The following PHACTR2 variants were observed in gnomAD, a reference collection of about 807,000 sequenced individuals.
PHACTR2 encodes phosphatase and actin regulator 2.
In PHACTR2, 30 loss-of-function variants were observed where a neutral mutation model predicts 76.0. That is an observed-to-expected ratio of 0.39 (90% CI 0.30 to 0.54). The LOEUF is 0.54. Among genes scored for constraint, PHACTR2 ranks in the 20% least tolerant of loss-of-function variants. PHACTR2 has a pLI of 0.61. For missense variants in PHACTR2, 696 were observed against 781.1 expected (o/e 0.89, Z 1.30); for synonymous variants, 292 against 292.5 (o/e 1.00, Z 0.02).
rs1252818174 is a variant in PHACTR2, at chr6:143,578,952, G to C, written c.217+41745G>C. On this transcript the variant is annotated intron_variant, in intron 1 of 11. Transcript: ENST00000367584. This position sits in a 1 kb window ranked among gnomAD's most constrained non-coding sequence, Gnocchi z 4.5. ...AGGATCTTGTTCTGGCACCCAGGCT[G>C]GAGTGCAGTGGCGTGATCACAGCTC... Among the ~76,000 whole-genome samples the C allele has an allele frequency of 6.6e-6, 1 of 152,076 alleles. No homozygotes were observed. Among genetic ancestry groups the C allele is most frequent in the African/African-American group, 2.4e-5 (1 of 41,404 alleles).
At position 143,662,709 on chromosome 6, in the gene PHACTR2, C is replaced by T. The variant is rs1308249038; in HGVS notation, c.14-49307C>T. Among the ~76,000 whole-genome samples the T allele has an allele frequency of 1.3e-5, 2 of 152,112 alleles. No individual in the cohort carries two copies. Among genetic ancestry groups the T allele is most frequent in the African/African-American group, 4.8e-5 (2 of 41,424 alleles). ...TTTTTCATCTTGAATTGTGAATTGT[C>T]TTCACCTATATTACAATTAGTTTTT... On this transcript the variant is annotated intron_variant, in intron 1 of 11. Transcript: ENST00000305766. The surrounding 1 kb of genome is among the most constrained non-coding windows in gnomAD (Gnocchi z 4.7).
At position 143,698,014 on chromosome 6, in the gene PHACTR2, T is replaced by G. The variant is rs967124817; in HGVS notation, c.47-14002T>G. Among the ~76,000 whole-genome samples, 2 of 152,330 alleles carry G rather than the reference T, an allele frequency of 1.3e-5. No homozygotes were observed. The highest frequency in any genetic ancestry group is 6.5e-5 in the Admixed American group (1 of 15,306). ...TCATTTTTATGGTTTCTGAAAACAT[T>G]GGTGAATTGCAACTGGCTATTCTGA... On this transcript the variant is annotated intron_variant, in intron 1 of 12. Coordinates refer to ENST00000440869, the MANE Select transcript of PHACTR2 (RefSeq NM_001100164.2). The surrounding 1 kb of genome is among the most constrained non-coding windows in gnomAD (Gnocchi z 4.3).
chr6:143,577,148 GA>G (rs1330073520), intron 1 of PHACTR2, among the ~76,000 whole-genome samples: 9 of 152,188 alleles, frequency 5.9e-5, no homozygotes, highest in Admixed American at 3.3e-4. Flanking sequence ...TATATTTTAA[GA>G]ACACCAAGAA....
At position 143,816,787 on chromosome 6, in the gene PHACTR2, T is replaced by A. The variant is rs1776304891; in HGVS notation, c.1923-6887T>A. The stretch of plus-strand genomic sequence containing the variant: ...GCTTTCAAAGATTATCTCTTCTGGC[T>A]GGGTGCGGTGGCTCATGCCTGTAAT... On this transcript the variant is annotated intron_variant, in intron 12 of 12. Coordinates refer to ENST00000440869, the MANE Select transcript of PHACTR2 (RefSeq NM_001100164.2). The surrounding 1 kb of genome is among the most constrained non-coding windows in gnomAD (Gnocchi z 4.5). Among the ~76,000 whole-genome samples, 5 of 152,310 alleles carry A rather than the reference T, an allele frequency of 3.3e-5. No homozygotes were observed. In the South Asian group the frequency reaches 1.0e-3, roughly 32 times the overall value.
chr6:143,783,550 C>CAGAG lies in PHACTR2; in HGVS notation c.1707+271_1707+274dup, dbSNP rs1352976600. Among the ~76,000 whole-genome samples, 2 of 152,118 alleles carry CAGAG rather than the reference C, an allele frequency of 1.3e-5. No individual in the cohort carries two copies. The highest frequency in any genetic ancestry group is 2.1e-4 in the South Asian group (1 of 4,832). On this transcript the variant is annotated intron_variant, in intron 10 of 12. Coordinates refer to ENST00000440869, the MANE Select transcript of PHACTR2 (RefSeq NM_001100164.2). The surrounding 1 kb of genome is among the most constrained non-coding windows in gnomAD (Gnocchi z 5.2). ...GGGAAGATTGCTTCAGCCTGGGAGG[C>CAGAG]AGAGGTTGCTGTGACCTGATATCGT... is the stretch of plus-strand genomic sequence containing the variant.
At position 143,822,568 on chromosome 6, in the gene PHACTR2, T is replaced by G. The variant is rs968805903; in HGVS notation, c.1923-1106T>G. ...ATGATGGAACCAGTATTTTTAAGGA[T>G]AGTGTGAGCAACAGTGAGGAGCATA... On this transcript the variant is annotated intron_variant, in intron 12 of 12. Transcript: ENST00000440869. The surrounding 1 kb of genome is among the most constrained non-coding windows in gnomAD (Gnocchi z 5.5). Among the ~76,000 whole-genome samples, 1 of 152,060 alleles carries G rather than the reference T, an allele frequency of 6.6e-6. No homozygotes were observed. Among genetic ancestry groups the G allele is most frequent in the African/African-American group, 2.4e-5 (1 of 41,388 alleles).
In PHACTR2 at chr6:143,616,281, T is replaced by G. The variant is rs370495527; in HGVS notation, c.13+7959T>G. ...AGGACTGGACTTTAGAATCATAATT[T>G]CCTTTCTTAGACCTGAATCATTCAG... On this transcript the variant is annotated intron_variant, in intron 1 of 11. Transcript: ENST00000305766. The surrounding 1 kb of genome is among the most constrained non-coding windows in gnomAD (Gnocchi z 4.9). Among the ~76,000 whole-genome samples, 2 of 152,248 alleles carry G rather than the reference T, an allele frequency of 1.3e-5. No individual in the cohort carries two copies. The highest frequency in any genetic ancestry group is 6.5e-5 in the Admixed American group (1 of 15,286).
At position 143,601,283 on chromosome 6, in the gene PHACTR2, G is replaced by GA. The variant is rs767729072; in HGVS notation, c.217+64083dup. ...TCTTTGAGAAAATCAGAATCTTCTG[G>GA]AAAAAAAGGCCGTCTTGGGATGGCC... is the stretch of plus-strand genomic sequence containing the variant. On this transcript the variant is annotated intron_variant, in intron 1 of 11. Coordinates refer to the PHACTR2 transcript ENST00000367584. Among the ~76,000 whole-genome samples, 12 of 152,202 alleles carry GA rather than the reference G, an allele frequency of 7.9e-5. 2 individuals are homozygous for GA. Among genetic ancestry groups the GA allele is most frequent in the African/African-American group, 4.8e-5 (2 of 41,534 alleles).
chr6:143,723,418 A>G (rs1778486515), intron 2 of PHACTR2, among the ~76,000 whole-genome samples: 1 of 152,206 alleles, frequency 6.6e-6, no homozygotes, highest in Non-Finnish European at 1.5e-5. Context: ...ACACATTGCA[A>G]GAAGACAGCG....
rs1775671158 is a variant in PHACTR2, at chr6:143,589,894, G to A, written c.217+52687G>A. 6.6e-6 allele frequency among the ~76,000 whole-genome samples: 1 copy of A among 152,164 alleles called. No homozygotes were observed. Among genetic ancestry groups the A allele is most frequent in the African/African-American group, 2.4e-5 (1 of 41,432 alleles). ...ACCAGGCAAGGATAATAGGAGAAGGGAAAATGGCAGACTAGTCTCAATTAT... is the reference window on the plus strand; with the variant it reads ...ACCAGGCAAGGATAATAGGAGAAGGAAAAATGGCAGACTAGTCTCAATTAT... On this transcript the variant is annotated intron_variant, in intron 1 of 11. Coordinates refer to the PHACTR2 transcript ENST00000367584. The surrounding 1 kb of genome is among the most constrained non-coding windows in gnomAD (Gnocchi z 4.4).
chr6:143,790,262 A>AT lies in PHACTR2; in HGVS notation c.1845+1361dup, dbSNP rs1024949703. On this transcript the variant is annotated intron_variant, in intron 11 of 12. Transcript: ENST00000440869. ...AATGAGATACAGTATCAAGGGAGTGATTTTTTTTTAATTTATGGGAAATAC... is the reference window on the plus strand; with the variant it reads ...AATGAGATACAGTATCAAGGGAGTGATTTTTTTTTTAATTTATGGGAAATAC... 5.3e-5 allele frequency among the ~76,000 whole-genome samples: 8 copies of AT among 151,738 alleles called. No homozygotes were observed. In the East Asian group the frequency reaches 5.8e-4, roughly 11 times the overall value.
intron 1 of PHACTR2, among the ~76,000 whole-genome samples, chr6:143,568,537 G>A (rs1261562654): frequency 6.6e-6 from 1 of 152,174 alleles, no homozygotes; most frequent in Non-Finnish European, 1.5e-5. Flanking sequence ...AGGGTAGGGG[G>A]TCTTCCTCCC....
At chr6:143,686,028 A>T (rs930397882) in intron 1 of PHACTR2, among the ~76,000 whole-genome samples, 1 of 151,682 alleles carries the variant, frequency 6.6e-6, no homozygotes, top group Admixed American at 6.6e-5. Context: ...GCTACTTGAG[A>T]GGCTGAGACA....
At position 143,776,475 on chromosome 6, in the gene PHACTR2, G is replaced by A. The variant is rs541939388; in HGVS notation, c.1590-853G>A. On this transcript the variant is annotated intron_variant, in intron 8 of 12. Coordinates refer to ENST00000440869, the MANE Select transcript of PHACTR2 (RefSeq NM_001100164.2). The surrounding 1 kb of genome is among the most constrained non-coding windows in gnomAD (Gnocchi z 5.3). ...AATGAAAAAGGGAGATTGCGTTCAC[G>A]GCATAGCAACAACCGCATTTTAAAT... Among the ~76,000 whole-genome samples, 1 of 152,274 alleles carries A rather than the reference G, an allele frequency of 6.6e-6. No homozygotes were observed. Among genetic ancestry groups the A allele is most frequent in the East Asian group, 1.9e-4 (1 of 5,182 alleles).
At position 143,669,085 on chromosome 6, in the gene PHACTR2, T is replaced by G. The variant is rs111936507; in HGVS notation, c.14-42931T>G. ...GGTGTGTTGTGTCTTTTTTTCTCAT[T>G]GGTTTCAAATAACTTATTTATTTCT... is the stretch of plus-strand genomic sequence containing the variant. On this transcript the variant is annotated intron_variant, in intron 1 of 11. Transcript: ENST00000305766. Among the ~76,000 whole-genome samples, 1,408 of 152,338 alleles carry G rather than the reference T, an allele frequency of 9.2e-3. 23 individuals carry two copies. The highest frequency in any genetic ancestry group is 0.031 in the African/African-American group (1,306 of 41,572).
chr6:143,571,585 A>T lies in PHACTR2; in HGVS notation c.217+34378A>T, dbSNP rs9390108. On this transcript the variant is annotated intron_variant, in intron 1 of 11. Coordinates refer to the PHACTR2 transcript ENST00000367584. The surrounding 1 kb of genome is among the most constrained non-coding windows in gnomAD (Gnocchi z 4.6). Reference sequence around the variant, plus strand: ...TGCCACACCTGGTTAATTTTTTTTAAAATTTTTTTATAGAGATGAGGTCTT... The same window carrying T: ...TGCCACACCTGGTTAATTTTTTTTATAATTTTTTTATAGAGATGAGGTCTT... Among the ~76,000 whole-genome samples, 92,064 of 150,584 alleles carry T rather than the reference A, an allele frequency of 0.61. 28,439 individuals are homozygous for T. Among genetic ancestry groups the T allele is most frequent in the Middle Eastern group, 0.72 (212 of 294 alleles).
rs1776494191 is a variant in PHACTR2 at position 143,824,433 on chromosome 6, A to G, written c.*744A>G. ...TGCATGCTTTTAAGTAGCATTAGCT[A>G]TGCACACTTGACATTTTTAAATATC... On this transcript the variant is annotated 3_prime_UTR_variant, in exon 13 of 13. Coordinates refer to ENST00000440869, the MANE Select transcript of PHACTR2 (RefSeq NM_001100164.2). This position sits in a 1 kb window ranked among gnomAD's most constrained non-coding sequence, Gnocchi z 6.3. 1 of 152,686 alleles carries G rather than the reference A, an allele frequency of 6.5e-6. No individual in the cohort carries two copies. Among genetic ancestry groups the G allele is most frequent in the South Asian group, 2.1e-4 (1 of 4,838 alleles). 9.5% of individuals were successfully genotyped at this position (152,686 alleles called of 1,614,324 possible). A position where few individuals can be genotyped will look rare whatever the true frequency, so the allele number is the denominator to read the frequency against.
rs984788258 is a variant in PHACTR2, at chr6:143,823,063, C to G, written c.1923-611C>G. 3.3e-5 allele frequency among the ~76,000 whole-genome samples: 5 copies of G among 152,066 alleles called. No homozygotes were observed. Among genetic ancestry groups the G allele is most frequent in the Admixed American group, 1.3e-4 (2 of 15,264 alleles). On this transcript the variant is annotated intron_variant, in intron 12 of 12. Coordinates refer to ENST00000440869, the MANE Select transcript of PHACTR2 (RefSeq NM_001100164.2). The surrounding 1 kb of genome is among the most constrained non-coding windows in gnomAD (Gnocchi z 5.7). Reference sequence around the variant, plus strand: ...AATTGCTAATCTGAGGTTTCTAGACCAAAAATATTTTTAAAGATAGAATAT... The same window carrying G: ...AATTGCTAATCTGAGGTTTCTAGACGAAAAATATTTTTAAAGATAGAATAT...
Position 143,807,614 on chromosome 6 carries a change from C to T in PHACTR2, c.1922+481C>T, listed in dbSNP as rs1776093105. Among the ~76,000 whole-genome samples the T allele has an allele frequency of 1.3e-5, 2 of 152,192 alleles. No homozygotes were observed. Among genetic ancestry groups the T allele is most frequent in the South Asian group, 4.1e-4 (2 of 4,826 alleles). ...TGAAGTTGTATGCCCAGAATAGATG[C>T]TGGCGAGAGTCAGTGTGGGCACATA... On this transcript the variant is annotated intron_variant, in intron 12 of 12. Coordinates refer to ENST00000440869, the MANE Select transcript of PHACTR2 (RefSeq NM_001100164.2). This position sits in a 1 kb window ranked among gnomAD's most constrained non-coding sequence, Gnocchi z 5.5.
Sources: allele counts gnomAD v4.1 joint callset (sites outside exome capture counted in the v4.1 genomes callset), GRCh38; gene constraint gnomAD v4.1.1; non-coding constraint Gnocchi (gnomAD v3.1); transcripts MANE v1.5; gene names NCBI Gene and HGNC (gene_info 2026-07-23, HGNC 2026-07-21).